WDR83: variants seen among roughly 807,000 people sequenced by gnomAD.
WDR83 encodes the protein WD repeat domain-containing protein 83.
Under a neutral mutation model 37.7 loss-of-function variants are expected in WDR83, and 37 were observed. That is an observed-to-expected ratio of 0.98 (90% CI 0.76 to 1.29). The LOEUF (loss-of-function observed/expected upper bound fraction) is 1.29. Ranked by LOEUF, WDR83 falls within the 50% of genes most tolerant of loss-of-function variation. The pLI is 0.00. For missense variants in WDR83, 445 were observed against 414.4 expected (o/e 1.07, Z -0.64); for synonymous variants, 174 against 181.1 (o/e 0.96, Z 0.31).
chr19:12,669,281 T>C (rs377520954), intron 2 of WDR83: 1 of 1,609,298 alleles, frequency 6.2e-7, no homozygotes, highest in African/African-American at 1.3e-5. Flanking sequence ...GCCCCCGGGA[T>C]AGACAGGCGC....
intron 10 of WDR83, among the ~76,000 whole-genome samples, chr19:12,674,791 G>A (rs1252364462): frequency 6.6e-6 from 1 of 152,070 alleles, no homozygotes. Flanking sequence ...GAGCCAAGAG[G>A]AATAACTGAT....
At chr19:12,674,203 C>A (rs1430222397) in intron 10 of WDR83, among the ~76,000 whole-genome samples, 1 of 152,238 alleles carries the variant, frequency 6.6e-6, no homozygotes, top group African/African-American at 2.4e-5. Context: ...AGCCGACGGC[C>A]ATGTCTAACC....
In WDR83 at chr19:12,673,286, C is replaced by T. The variant is rs141811821; in HGVS notation, c.768C>T (p.Asp256=). The change falls in exon 10 of 11, where the codon GAC becomes GAT. Residue 256 remains aspartate (D), a synonymous_variant. Transcript: ENST00000418543. ...RDTHVVSCSE[D]GKVFFWDLVE... Reference sequence around the variant, plus strand: ...CACATGTGGTCAGCTGTTCTGAGGACGGGAAGGTGTTCTTCTGGGACCTGG... The same window carrying T: ...CACATGTGGTCAGCTGTTCTGAGGATGGGAAGGTGTTCTTCTGGGACCTGG... 3.5e-5 allele frequency: 57 copies of T among 1,613,826 alleles called. No homozygotes were observed. The African/African-American group carries it at 6.7e-4, about 19-fold the overall frequency.
At position 12,673,312 on chromosome 19, in the gene WDR83, TGGA is replaced by T. The variant is rs2145323102; in HGVS notation, c.797_798+1del. On this transcript the variant is annotated inframe_deletion and splice_region_variant, in exon 10 of 11. Transcript: ENST00000418543. ...GGGAAGGTGTTCTTCTGGGACCTGG[TGGA>T]GGTGAGGTGCCCCCAGCCCTACTTC... The T allele has an allele frequency of 1.9e-6, 3 of 1,606,400 alleles. No individual in the cohort carries two copies. Among genetic ancestry groups the T allele is most frequent in the Non-Finnish European group, 2.6e-6 (3 of 1,175,604 alleles).
chr19:12,671,651 A>G (rs1568313759), intron 7 of WDR83, among the ~76,000 whole-genome samples: 3 of 152,224 alleles, frequency 2.0e-5, no homozygotes, highest in African/African-American at 4.8e-5. Context: ...CCGTCTCAAA[A>G]TAAGTAAATA....
At chr19:12,672,119 CAGA>C (rs1335544391) in intron 7 of WDR83, among the ~76,000 whole-genome samples, 1 of 152,168 alleles carries the variant, frequency 6.6e-6, no homozygotes, top group African/African-American at 2.4e-5. Context: ...CTGATAGAGG[CAGA>C]AGAAAATCCA....
At chr19:12,669,411 C>T (rs370776233) in intron 2 of WDR83, 2 of 1,592,070 alleles carry the variant, frequency 1.3e-6, no homozygotes, top group African/African-American at 2.7e-5. Flanking sequence ...CATAGCGAGT[C>T]GAAGGCCAGA....
intron 1 of WDR83, among the ~76,000 whole-genome samples, chr19:12,667,390 G>C (rs1052300591): frequency 2.6e-5 from 4 of 152,230 alleles, no homozygotes; most frequent in African/African-American, 9.6e-5. Context: ...CCAGGCTGGT[G>C]AATCACTTGG....
At chr19:12,670,314 G>A in intron 5 of WDR83, 29 bp downstream of exon 5, 1 of 1,607,546 alleles carries the variant, frequency 6.2e-7, no homozygotes, top group Non-Finnish European at 8.5e-7. Context: ...ACCCTCATTT[G>A]AGTGGAGGGG....
Position 12,675,809 on chromosome 19 carries a change from G to T in WDR83, c.*137G>T. The stretch of plus-strand genomic sequence containing the variant: ...TCTGCAAATTAATAAATAGAAGAGG[G>T]GGTAAGACCTTCCTGGGACCGCAGC... On this transcript the variant is annotated 3_prime_UTR_variant, in exon 11 of 11. Transcript: ENST00000418543. 1 of 1,573,014 alleles carries T rather than the reference G, an allele frequency of 6.4e-7. No individual in the cohort carries two copies. Among genetic ancestry groups the T allele is most frequent in the Non-Finnish European group, 8.6e-7 (1 of 1,157,444 alleles).
Position 12,666,858 on chromosome 19 carries a change from G to T in WDR83, c.-291G>T. Reference sequence around the variant, plus strand: ...GCTGTAGCCCTGGGCAATCCCGGGGGTCGTTACAGGAAGGTAGGAAAATGC... The same window carrying T: ...GCTGTAGCCCTGGGCAATCCCGGGGTTCGTTACAGGAAGGTAGGAAAATGC... On this transcript the variant is annotated 5_prime_UTR_variant, in exon 1 of 11. Coordinates refer to ENST00000418543, the MANE Select transcript of WDR83 (RefSeq NM_001099737.3). 4.3e-6 allele frequency: 3 copies of T among 700,792 alleles called. No individual in the cohort carries two copies. Among genetic ancestry groups the T allele is most frequent in the South Asian group, 1.9e-5 (1 of 52,068 alleles). The allele number at this position is 700,792 out of a possible 1,614,324, so 43.4% of individuals were successfully genotyped here.
chr19:12,669,299 G>A, intron 2 of WDR83: 1 of 1,605,698 alleles, frequency 6.2e-7, no homozygotes, highest in Non-Finnish European at 8.5e-7. Context: ...CGCTTCCCAG[G>A]GCCCCGATCC....
Position 12,673,205 on chromosome 19 carries a change from C to A in WDR83, c.687C>A (p.Tyr229Ter). The A allele has an allele frequency of 6.2e-7, 1 of 1,614,016 alleles. No individual in the cohort carries two copies. The highest frequency in any genetic ancestry group is 8.5e-7 in the Non-Finnish European group (1 of 1,179,984). Residue 229 changes from tyrosine (Y) to a stop codon, truncating the protein, a stop_gained, in exon 10 of 11, where the codon TAC (tyrosine) becomes TAA (stop). Transcript: ENST00000418543. LOFTEE classifies it high-confidence loss of function. Reference protein sequence around the residue: ...DKDTGELLGEYKGHKNQEYKL... With the variant: ...DKDTGELLGE ...CCCCGATCCTGTCCACCCTTAGGTA[C>A]AAGGGCCATAAGAACCAGGAATACA...
chr19:12,670,620 G>A lies in WDR83; in HGVS notation c.379+9G>A, dbSNP rs2024384394. ...CACAGTTATCCTGTCCGGTGAGTCT[G>A]GGGCCTAAGCACGGGGGCCCAGGGT... On this transcript the variant is annotated intron_variant, in intron 6 of 10. Transcript: ENST00000418543. The A allele has an allele frequency of 1.2e-6, 2 of 1,614,220 alleles. No homozygotes were observed. Among genetic ancestry groups the A allele is most frequent in the Non-Finnish European group, 1.7e-6 (2 of 1,180,034 alleles).
intron 7 of WDR83, 176 bp downstream of exon 7, chr19:12,670,997 C>A: frequency 1.1e-6 from 1 of 908,944 alleles, no homozygotes. Flanking sequence ...GGCACCATTG[C>A]ACTCCATGCT....
intron 7 of WDR83, 125 bp from the exon 8 acceptor site, chr19:12,672,722 C>A: frequency 9.9e-7 from 1 of 1,011,352 alleles, no homozygotes; most frequent in Non-Finnish European, 1.5e-6. Flanking sequence ...AGTCTCAAGG[C>A]CAGAGCTTCA....
chr19:12,675,567 G>A lies in WDR83; in HGVS notation c.843G>A (p.Gln281=). The A allele has an allele frequency of 1.2e-6, 2 of 1,606,274 alleles. No individual in the cohort carries two copies. The highest frequency in any genetic ancestry group is 1.7e-6 in the Non-Finnish European group (2 of 1,179,972). ...TGCCTGTGGGTTCCGGTGTGGTGCA[G>A]TCGCTGGCCTACCACCCAACAGAGC... ...LALPVGSGVV[Q]SLAYHPTEPC... The change falls in exon 11 of 11, where the codon CAG becomes CAA. Residue 281 remains glutamine, a synonymous_variant. Coordinates refer to ENST00000418543, the MANE Select transcript of WDR83 (RefSeq NM_001099737.3).
intron 3 of WDR83, 40 bp downstream of exon 3, chr19:12,669,933 T>A: frequency 6.2e-7 from 1 of 1,602,104 alleles, no homozygotes; most frequent in East Asian, 2.2e-5. Flanking sequence ...TCCTCCCGCC[T>A]CCTGAGATCG....
intron 7 of WDR83, among the ~76,000 whole-genome samples, chr19:12,671,508 C>T (rs1487014732): frequency 6.6e-6 from 1 of 151,674 alleles, no homozygotes; most frequent in Non-Finnish European, 1.5e-5. Context: ...AAAAATTAGC[C>T]GGGCATAGTG....
Sources: gnomAD v4.1 joint callset for allele counts (sites outside exome capture counted in the v4.1 genomes callset) on GRCh38, gnomAD v4.1.1 for gene constraint, MANE v1.5 for transcripts, NCBI Gene and HGNC (gene_info 2026-07-23, HGNC 2026-07-21) for gene names.